Variants in TMEM163 observed in about 807,000 individuals in gnomAD.
The protein encoded by TMEM163 is transmembrane protein 163.
In TMEM163, 17 loss-of-function variants were observed where a neutral mutation model predicts 29.3. The ratio of observed to expected loss-of-function variants is 0.58; its 90% CI spans 0.40 to 0.87. The LOEUF is 0.87. TMEM163 is among the 40% of genes least tolerant of loss of function. The pLI is 0.00. For synonymous variants in TMEM163, 157 were observed against 160.6 expected (o/e 0.98, Z 0.17); for missense variants, 303 against 381.5 (o/e 0.79, Z 1.71).
intron 1 of TMEM163, among the ~76,000 whole-genome samples, chr2:134,717,564 T>C (rs960405982): frequency 7.2e-5 from 11 of 152,116 alleles, no homozygotes; most frequent in Admixed American, 6.5e-5. Context: ...GGAATAAAAA[T>C]GTACAGGAGA....
intron 4 of TMEM163, among the ~76,000 whole-genome samples, chr2:134,526,624 A>C (rs1437398042): frequency 2.0e-5 from 3 of 152,206 alleles, no homozygotes; most frequent in Non-Finnish European, 4.4e-5. Context: ...AACTATGTGA[A>C]ACTGAGCTTT....
intron 4 of TMEM163, among the ~76,000 whole-genome samples, chr2:134,517,927 T>C (rs991395521): frequency 6.6e-6 from 1 of 151,272 alleles, no homozygotes; most frequent in Non-Finnish European, 1.5e-5. Context: ...TCCTTTCATA[T>C]ATCACTACAG....
In TMEM163 at chr2:134,466,241, C is replaced by A; in HGVS notation, c.556-16G>T. On this transcript the variant is annotated splice_polypyrimidine_tract_variant and intron_variant, in intron 5 of 7. Coordinates refer to ENST00000281924, the MANE Select transcript of TMEM163 (RefSeq NM_030923.5). Reference sequence around the variant, plus strand: ...GGAAATCGTCCTGCAAGAGAAAGTTCCAGATTTCAACAGTTCACCTCCTGC... The same window carrying A: ...GGAAATCGTCCTGCAAGAGAAAGTTACAGATTTCAACAGTTCACCTCCTGC... 6.2e-7 allele frequency: 1 copy of A among 1,603,882 alleles called. No homozygotes were observed. The highest frequency in any genetic ancestry group is 1.1e-5 in the South Asian group (1 of 89,434).
intron 4 of TMEM163, among the ~76,000 whole-genome samples, chr2:134,547,108 T>C (rs1053135804): frequency 2.6e-5 from 4 of 152,216 alleles, no homozygotes; most frequent in African/African-American, 9.7e-5. Flanking sequence ...TCTGGAGGTC[T>C]GTTTCACAAC....
At chr2:134,471,169 C>T (rs566472109) in intron 5 of TMEM163, among the ~76,000 whole-genome samples, 2 of 152,266 alleles carry the variant, frequency 1.3e-5, no homozygotes, top group East Asian at 3.9e-4. Flanking sequence ...GAGACTCTAC[C>T]TAATAAAACT....
chr2:134,553,496 GCCA>G (rs1284761653), intron 2 of TMEM163, among the ~76,000 whole-genome samples: 1 of 152,206 alleles, frequency 6.6e-6, no homozygotes, highest in Non-Finnish European at 1.5e-5. Flanking sequence ...GTTGCCATCG[GCCA>G]CCGTTTGCCA....
At chr2:134,700,686 G>C (rs1231723018) in intron 2 of TMEM163, among the ~76,000 whole-genome samples, 2 of 152,094 alleles carry the variant, frequency 1.3e-5, no homozygotes, top group African/African-American at 4.8e-5. Context: ...ATGACCTGAG[G>C]TCATGAGTTC....
intron 5 of TMEM163, among the ~76,000 whole-genome samples, chr2:134,472,160 G>A (rs1449158901): frequency 6.6e-6 from 1 of 152,230 alleles, no homozygotes; most frequent in Non-Finnish European, 1.5e-5. Context: ...TCAACATCTT[G>A]TAGTAGCAAA....
chr2:134,691,804 G>A (rs182321281), intron 2 of TMEM163, among the ~76,000 whole-genome samples: 186 of 152,346 alleles, frequency 1.2e-3, no homozygotes, highest in Non-Finnish European at 2.1e-3. Flanking sequence ...TGGCTGGCAT[G>A]TAACATCGCT....
At chr2:134,593,881 C>A (rs1355766612) in intron 2 of TMEM163, among the ~76,000 whole-genome samples, 1 of 151,404 alleles carries the variant, frequency 6.6e-6, no homozygotes, top group African/African-American at 2.4e-5. Context: ...ATGCGATTAA[C>A]CCCTATGAAG....
chr2:134,663,132 T>C (rs2104860391), intron 2 of TMEM163, among the ~76,000 whole-genome samples: 1 of 152,330 alleles, frequency 6.6e-6, no homozygotes, highest in Non-Finnish European at 1.5e-5. Flanking sequence ...AAAACTTTGC[T>C]ACAGAAATAG....
chr2:134,676,871 G>A (rs900668799), intron 2 of TMEM163, among the ~76,000 whole-genome samples: 11 of 152,146 alleles, frequency 7.2e-5, no homozygotes, highest in African/African-American at 2.4e-4. Context: ...ATAGGAGCCA[G>A]TGCTAAATGA....
At chr2:134,528,877 A>G (rs4953921) in intron 4 of TMEM163, among the ~76,000 whole-genome samples, 41,372 of 152,154 alleles carry the variant, frequency 0.27, 5,813 homozygotes, top group Middle Eastern at 0.38. Flanking sequence ...TGGGTATTTA[A>G]GGTGAATGGT....
intron 2 of TMEM163, among the ~76,000 whole-genome samples, chr2:134,657,300 A>T (rs966745529): frequency 6.6e-6 from 1 of 152,020 alleles, no homozygotes; most frequent in African/African-American, 2.4e-5. Flanking sequence ...CAGGATTTCA[A>T]TTTTTTCCTG....
At chr2:134,629,086 AAG>A in intron 2 of TMEM163, among the ~76,000 whole-genome samples, 5 of 152,246 alleles carry the variant, frequency 3.3e-5, no homozygotes, top group African/African-American at 7.2e-5. Context: ...GGTCTTACCT[AAG>A]TGTTTTACAT....
intron 2 of TMEM163, among the ~76,000 whole-genome samples, chr2:134,672,346 T>C (rs1263198541): frequency 6.6e-6 from 1 of 152,176 alleles, no homozygotes; most frequent in African/African-American, 2.4e-5. Context: ...TATGCATAGG[T>C]ACAAAACCAA....
At chr2:134,637,864 G>A (rs1300572768) in intron 2 of TMEM163, among the ~76,000 whole-genome samples, 5 of 152,210 alleles carry the variant, frequency 3.3e-5, no homozygotes, top group Non-Finnish European at 7.3e-5. Context: ...GTATTTGGAA[G>A]TTTGTAACAA....
At chr2:134,611,163 T>C (rs1682497937) in intron 2 of TMEM163, among the ~76,000 whole-genome samples, 1 of 152,208 alleles carries the variant, frequency 6.6e-6, no homozygotes, top group African/African-American at 2.4e-5. Flanking sequence ...ATCTCTCCAT[T>C]AAAGCTATGA....
chr2:134,500,573 C>T (rs913632187), intron 5 of TMEM163, among the ~76,000 whole-genome samples: 5 of 152,032 alleles, frequency 3.3e-5, no homozygotes, highest in Non-Finnish European at 7.4e-5. Context: ...TTTTTAAATC[C>T]CACACCAACA....
Sources: gnomAD v4.1 joint callset for allele counts (sites outside exome capture counted in the v4.1 genomes callset) on GRCh38, gnomAD v4.1.1 for gene constraint, MANE v1.5 for transcripts, NCBI Gene and HGNC (gene_info 2026-07-23, HGNC 2026-07-21) for gene names.